BANP: variants seen among roughly 807,000 people sequenced by gnomAD.
BANP encodes protein BANP.
BANP carries 11 observed loss-of-function variants against 68.1 expected under a neutral mutation model. The observed-to-expected ratio is 0.16, with a 90% CI of 0.10 to 0.27. The LOEUF (loss-of-function observed/expected upper bound fraction) is 0.27, where lower values mean the gene tolerates loss of function less well. BANP is among the 10% of genes least tolerant of loss of function. The pLI is 1.00. For synonymous variants in BANP, 329 were observed against 303.2 expected (o/e 1.09, Z -0.88); for missense variants, 504 against 722.7 (o/e 0.70, Z 3.47).
rs114973411 is a variant in BANP at position 88,074,828 on chromosome 16, C to T, written c.1522-1762C>T. 3.4e-3 allele frequency among the ~76,000 whole-genome samples: 520 copies of T among 152,260 alleles called. 4 individuals carry two copies. The highest frequency in any genetic ancestry group is 0.012 in the African/African-American group (495 of 41,568). On this transcript the variant is annotated intron_variant, in intron 13 of 13. Coordinates refer to ENST00000682872, the MANE Select transcript of BANP (RefSeq NM_001386991.1). ...GGGCTCGCAGGAGACAGTCCTCATACTGACCCCTCATCCTACCCTGGAAGG... is the reference window on the plus strand; with the variant it reads ...GGGCTCGCAGGAGACAGTCCTCATATTGACCCCTCATCCTACCCTGGAAGG...
chr16:88,068,015 G>A (rs543928766), intron 12 of BANP, among the ~76,000 whole-genome samples: 2 of 150,512 alleles, frequency 1.3e-5, no homozygotes, highest in African/African-American at 2.5e-5. Flanking sequence ...TCCGTGACAC[G>A]CCACGTGTGT....
chr16:88,023,123 C>G (rs2076326111), intron 7 of BANP, among the ~76,000 whole-genome samples: 1 of 151,448 alleles, frequency 6.6e-6, no homozygotes, highest in Admixed American at 6.5e-5. Context: ...GGGTGTTTGT[C>G]TGTGTATCTT....
chr16:88,046,602 G>A (rs1250996667), intron 11 of BANP, among the ~76,000 whole-genome samples: 5 of 151,872 alleles, frequency 3.3e-5, no homozygotes, highest in Non-Finnish European at 7.4e-5. Context: ...CTGGAGTGCA[G>A]TGATGCCATC....
At position 88,076,613 on chromosome 16, in the gene BANP, G is replaced by T; in HGVS notation, c.1545G>T (p.Thr515=). 1.9e-6 allele frequency: 3 copies of T among 1,612,086 alleles called. No homozygotes were observed. Among genetic ancestry groups the T allele is most frequent in the Non-Finnish European group, 2.5e-6 (3 of 1,179,718 alleles). The change falls in exon 14 of 14, where the codon ACG becomes ACT. Residue 515 remains threonine, a synonymous_variant. Transcript: ENST00000682872. ...GAQTAEALQP[T]LQPEMQLEHG... ...AGACGGCCGAAGCCCTGCAGCCCACGCTACAGCCGGAGATGCAGCTCGAGC... is the reference window on the plus strand; with the variant it reads ...AGACGGCCGAAGCCCTGCAGCCCACTCTACAGCCGGAGATGCAGCTCGAGC...
chr16:88,001,941 A>G (rs1258971582), intron 4 of BANP, among the ~76,000 whole-genome samples: 1 of 152,172 alleles, frequency 6.6e-6, no homozygotes, highest in African/African-American at 2.4e-5. Flanking sequence ...CAAAAAAAAA[A>G]AAACCTTCTG....
At chr16:88,051,347 A>G (rs73250894) in intron 11 of BANP, among the ~76,000 whole-genome samples, 3,042 of 152,316 alleles carry the variant, frequency 0.02, 101 homozygotes, top group African/African-American at 0.069. Context: ...GGCACCTTTC[A>G]GGGCCTGTTG....
At chr16:88,053,529 A>C (rs1233035568) in intron 11 of BANP, among the ~76,000 whole-genome samples, 4 of 103,626 alleles carry the variant, frequency 3.9e-5, no homozygotes, top group Non-Finnish European at 5.8e-5. Flanking sequence ...GCACAACCAC[A>C]ACCACCTTAA....
At chr16:88,037,841 T>G in intron 10 of BANP, 132 bp from the exon 11 acceptor site, 1 of 831,426 alleles carries the variant, frequency 1.2e-6, no homozygotes, top group East Asian at 2.5e-5. Flanking sequence ...TACTGGAGGT[T>G]GAATTTTTGC....
chr16:87,994,319 G>C (rs1285708207), intron 4 of BANP, among the ~76,000 whole-genome samples: 1 of 152,218 alleles, frequency 6.6e-6, no homozygotes, highest in East Asian at 1.9e-4. Context: ...TGAGCTGCTC[G>C]CATTCTGATT....
At chr16:88,052,919 C>A (rs933897727) in intron 11 of BANP, among the ~76,000 whole-genome samples, 2 of 151,508 alleles carry the variant, frequency 1.3e-5, no homozygotes, top group African/African-American at 4.9e-5. Context: ...ATCACCAACA[C>A]AACCACCTTA....
Position 87,978,545 on chromosome 16 carries a change from C to A in BANP, c.71-2491C>A, listed in dbSNP as rs11859806. Reference sequence around the variant, plus strand: ...TGTAGGCATGGAGTTTTAAAAGTTTCATTAAGTGAGAATTCATCTGCAAAG... The same window carrying A: ...TGTAGGCATGGAGTTTTAAAAGTTTAATTAAGTGAGAATTCATCTGCAAAG... On this transcript the variant is annotated intron_variant, in intron 2 of 13. Coordinates refer to ENST00000682872, the MANE Select transcript of BANP (RefSeq NM_001386991.1). The A allele has an allele frequency of 7.6e-3, 3,490 of 459,938 alleles. 86 individuals are homozygous for A. Among genetic ancestry groups the A allele is most frequent in the African/African-American group, 0.053 (2,642 of 49,730 alleles). The allele number at this position is 459,938 out of a possible 1,614,324, so 28.5% of individuals were successfully genotyped here. A position where few individuals can be genotyped will look rare whatever the true frequency, so the allele number is the denominator to read the frequency against.
chr16:87,994,525 T>C (rs2066696009), intron 4 of BANP, among the ~76,000 whole-genome samples: 1 of 152,254 alleles, frequency 6.6e-6, no homozygotes, highest in Non-Finnish European at 1.5e-5. Flanking sequence ...CAGTGGTTAT[T>C]TGGAGGGTTG....
chr16:88,037,956 C>T lies in BANP; in HGVS notation c.1273-17C>T. 1.2e-6 allele frequency: 2 copies of T among 1,613,396 alleles called. No homozygotes were observed. The highest frequency in any genetic ancestry group is 8.5e-7 in the Non-Finnish European group (1 of 1,179,346). ...GTGTTTCTACTCATGACCGTCTCCT[C>T]CTCTCGTTCTTTGTAGGGCAACCTC... On this transcript the variant is annotated splice_polypyrimidine_tract_variant and intron_variant, in intron 10 of 13. Coordinates refer to ENST00000682872, the MANE Select transcript of BANP (RefSeq NM_001386991.1).
At position 87,961,004 on chromosome 16, in the gene BANP, T is replaced by C. The variant is rs189382663; in HGVS notation, c.-69+9489T>C. On this transcript the variant is annotated intron_variant, in intron 1 of 13. Transcript: ENST00000682872. ...GCTAATGCTGATGAACCGTATGCTT[T>C]TGATATTATAGACTGAACAACATTT... 2.6e-5 allele frequency among the ~76,000 whole-genome samples: 4 copies of C among 152,306 alleles called. No individual in the cohort carries two copies. The East Asian group carries it at 7.7e-4, about 29-fold the overall frequency.
Position 88,069,520 on chromosome 16 carries a change from C to A in BANP, c.1378-2549C>A, listed in dbSNP as rs1349263859. ...GGAGCCGGAGGGTAATCGTGCTGCTCCGCTATGGACGGTGGTGGCCCAGGA... is the reference window on the plus strand; with the variant it reads ...GGAGCCGGAGGGTAATCGTGCTGCTACGCTATGGACGGTGGTGGCCCAGGA... On this transcript the variant is annotated intron_variant, in intron 12 of 13. Coordinates refer to ENST00000682872, the MANE Select transcript of BANP (RefSeq NM_001386991.1). Among the ~76,000 whole-genome samples, 4 of 152,294 alleles carry A rather than the reference C, an allele frequency of 2.6e-5. No individual in the cohort carries two copies. In the East Asian group the frequency reaches 7.7e-4, roughly 29 times the overall value.
At chr16:88,051,432 T>A (rs73250896) in intron 11 of BANP, among the ~76,000 whole-genome samples, 3 of 152,144 alleles carry the variant, frequency 2.0e-5, no homozygotes, top group Non-Finnish European at 4.4e-5. Flanking sequence ...TTGTAGAAAG[T>A]ATGGGGTTTG....
chr16:87,980,935 C>G lies in BANP; in HGVS notation c.71-101C>G, dbSNP rs1168130902. The G allele has an allele frequency of 1.7e-5, 13 of 766,224 alleles. No individual in the cohort carries two copies. The Admixed American group carries it at 2.7e-4, about 16-fold the overall frequency. 47.5% of individuals were successfully genotyped at this position (766,224 alleles called of 1,614,324 possible). On this transcript the variant is annotated intron_variant, in intron 2 of 13. Transcript: ENST00000682872. ...TATGAGATAGGTTCTGCTGTTTCTC[C>G]TTCAACCTTAAGGTGTCAGCACTGT... is the stretch of plus-strand genomic sequence containing the variant.
upstream of BANP, chr16:87,951,327 T>G (rs978718556): frequency 1.3e-5 from 2 of 151,858 alleles, no homozygotes; most frequent in Admixed American, 6.6e-5. Flanking sequence ...CGCGCGCAGC[T>G]GGCCTCACTG....
chr16:88,039,072 C>T (rs1346927677), intron 11 of BANP, among the ~76,000 whole-genome samples: 3 of 152,162 alleles, frequency 2.0e-5, no homozygotes, highest in South Asian at 2.1e-4. Context: ...CATGTGCTCC[C>T]GTGGGCTTTC....
Sources: gnomAD v4.1 joint callset for allele counts (sites outside exome capture counted in the v4.1 genomes callset) on GRCh38, gnomAD v4.1.1 for gene constraint, MANE v1.5 for transcripts, NCBI Gene and HGNC (gene_info 2026-07-23, HGNC 2026-07-21) for gene names.